GPHN: variants seen among roughly 807,000 people sequenced by gnomAD.
The protein encoded by GPHN is gephyrin.
A neutral mutation model predicts 95.5 loss-of-function variants in GPHN; 17 were observed. The observed-to-expected ratio is 0.18, with a 90% CI of 0.12 to 0.27. The LOEUF (loss-of-function observed/expected upper bound fraction) is 0.27. GPHN is among the 10% of genes least tolerant of loss of function. The pLI is 1.00. For synonymous variants in GPHN, 320 were observed against 322.5 expected (o/e 0.99, Z 0.08); for missense variants, 660 against 978.1 (o/e 0.67, Z 4.34).
chr14:66,712,528 G>A (rs572301499), intron 2 of GPHN, among the ~76,000 whole-genome samples: 1 of 151,922 alleles, frequency 6.6e-6, no homozygotes, highest in African/African-American at 2.4e-5. Context: ...TCCCATTCTG[G>A]AGATATTAGC....
At chr14:67,705,641 A>G in the GPHN span, among the ~76,000 whole-genome samples, 5 of 152,318 alleles carry the variant, frequency 3.3e-5, no homozygotes, top group South Asian at 6.2e-4. Context: ...TGTTGTACCA[A>G]TGTTAATTTC....
At chr14:67,006,315 A>C (rs2072607207) in intron 9 of GPHN, among the ~76,000 whole-genome samples, 1 of 152,084 alleles carries the variant, frequency 6.6e-6, no homozygotes, top group Admixed American at 6.6e-5. Flanking sequence ...TCAGGATACC[A>C]AAAAAAGGGT....
At chr14:67,032,646 C>G (rs1443133142) in intron 10 of GPHN, among the ~76,000 whole-genome samples, 1 of 152,136 alleles carries the variant, frequency 6.6e-6, no homozygotes, top group Non-Finnish European at 1.5e-5. Context: ...ATTGCAAGCT[C>G]CTGACAGAGA....
At chr14:67,217,660 A>AT in the GPHN span, among the ~76,000 whole-genome samples, 1 of 152,048 alleles carries the variant, frequency 6.6e-6, no homozygotes, top group East Asian at 1.9e-4. Context: ...TCCCTTGAGC[A>AT]TTTTTTGTAA....
At chr14:66,636,665 A>G (rs1353497374) in intron 1 of GPHN, among the ~76,000 whole-genome samples, 1 of 152,160 alleles carries the variant, frequency 6.6e-6, no homozygotes, top group African/African-American at 2.4e-5. Context: ...GAGGATCCCA[A>G]ATGACACACA....
At chr14:67,694,929 C>T in the GPHN span, among the ~76,000 whole-genome samples, 2 of 152,150 alleles carry the variant, frequency 1.3e-5, no homozygotes, top group Non-Finnish European at 2.9e-5. Flanking sequence ...GCCGGTTTTA[C>T]AGCCCGCTGC....
chr14:66,792,005 A>G lies in GPHN; in HGVS notation c.201+15484A>G, dbSNP rs149443417. 7.6e-3 allele frequency among the ~76,000 whole-genome samples: 1,160 copies of G among 152,292 alleles called. 6 individuals carry two copies. Among genetic ancestry groups the G allele is most frequent in the African/African-American group, 0.027 (1,107 of 41,540 alleles). ...AGAGAGCTTGTGCAGGGGAACTCCC[A>G]TTTATAAAACCATCATGTCTCATGA... is the stretch of plus-strand genomic sequence containing the variant. On this transcript the variant is annotated intron_variant, in intron 3 of 22. Coordinates refer to ENST00000478722, the MANE Select transcript of GPHN (RefSeq NM_020806.5).
At chr14:66,987,666 G>A (rs1223718288) in intron 9 of GPHN, among the ~76,000 whole-genome samples, 1 of 151,964 alleles carries the variant, frequency 6.6e-6, no homozygotes, top group Admixed American at 6.6e-5. Context: ...TGAATCTCTA[G>A]GGGATTTATA....
chr14:67,568,345 CA>C, the GPHN span, among the ~76,000 whole-genome samples: 15,735 of 152,010 alleles, frequency 0.1, 921 homozygotes, highest in East Asian at 0.23. Flanking sequence ...AACGTAGGAA[CA>C]AGAAAACCAA....
chr14:67,495,056 C>T, the GPHN span, among the ~76,000 whole-genome samples: 1 of 152,278 alleles, frequency 6.6e-6, no homozygotes, highest in African/African-American at 2.4e-5. Context: ...CTTTTCTGTA[C>T]ATTTGAAATT....
At chr14:66,560,634 A>T (rs2060193982) in intron 1 of GPHN, among the ~76,000 whole-genome samples, 2 of 152,108 alleles carry the variant, frequency 1.3e-5, no homozygotes, top group Admixed American at 1.3e-4. Flanking sequence ...GCTTAAGGAG[A>T]TTTTGGGCTG....
downstream of GPHN, among the ~76,000 whole-genome samples, chr14:67,183,990 A>T (rs1299414280): frequency 6.6e-6 from 1 of 151,566 alleles, no homozygotes; most frequent in East Asian, 1.9e-4. Context: ...AGTAGCTGGG[A>T]CTACCCATCA....
Position 66,635,924 on chromosome 14 carries a change from G to A in GPHN, c.65-45183G>A, listed in dbSNP as rs575166302. ...GAGGCTGAGGCAGGCAGATCATAAGGTCAGGAGATCGAGACCATCCTGGCT... is the reference window on the plus strand; with the variant it reads ...GAGGCTGAGGCAGGCAGATCATAAGATCAGGAGATCGAGACCATCCTGGCT... On this transcript the variant is annotated intron_variant, in intron 1 of 22. Coordinates refer to ENST00000478722, the MANE Select transcript of GPHN (RefSeq NM_020806.5). 1.1e-4 allele frequency among the ~76,000 whole-genome samples: 17 copies of A among 152,062 alleles called. No individual in the cohort carries two copies. The South Asian group carries it at 3.5e-3, about 32-fold the overall frequency.
intron 3 of GPHN, among the ~76,000 whole-genome samples, chr14:66,810,079 AT>A (rs2060698850): frequency 6.6e-6 from 1 of 151,968 alleles, no homozygotes; most frequent in African/African-American, 2.4e-5. Context: ...CTTACTAATT[AT>A]TATATAATAT....
chr14:67,308,769 G>A, the GPHN span, among the ~76,000 whole-genome samples: 2 of 151,758 alleles, frequency 1.3e-5, no homozygotes, highest in Non-Finnish European at 2.9e-5. Flanking sequence ...AAAAAACATT[G>A]AACATGTCCC....
the GPHN span, chr14:67,733,980 T>G: frequency 1.5e-6 from 1 of 670,956 alleles, no homozygotes; most frequent in South Asian, 1.5e-5. Flanking sequence ...CTGATCCTCT[T>G]GACCCTTCTG....
chr14:67,073,349 T>C (rs2076380075), intron 11 of GPHN, among the ~76,000 whole-genome samples: 1 of 152,136 alleles, frequency 6.6e-6, no homozygotes, highest in African/African-American at 2.4e-5. Flanking sequence ...ATCCTACTCA[T>C]TTGACCAGGG....
chr14:67,586,385 C>A, the GPHN span: 1 of 1,371,498 alleles, frequency 7.3e-7, no homozygotes, highest in South Asian at 1.2e-5. Context: ...ATCATGCAGT[C>A]CTCAGTTGGG....
At chr14:67,685,021 T>C in the GPHN span, 1 of 1,607,306 alleles carries the variant, frequency 6.2e-7, no homozygotes, top group East Asian at 2.2e-5. Context: ...ATACCTGAAA[T>C]GATTCCCACT....
Sources: gnomAD v4.1 joint callset for allele counts (sites outside exome capture counted in the v4.1 genomes callset) on GRCh38, gnomAD v4.1.1 for gene constraint, MANE v1.5 for transcripts, NCBI Gene and HGNC (gene_info 2026-07-23, HGNC 2026-07-21) for gene names.